The following CWF19L2 variants were observed in gnomAD, a reference collection of about 807,000 sequenced individuals.
The protein encoded by CWF19L2 is CWF19 like cell cycle control factor 2, also known as CWF19-like protein 2.
Under a neutral mutation model 111.7 loss-of-function variants are expected in CWF19L2, and 98 were observed. The ratio of observed to expected loss-of-function variants is 0.88; its 90% CI spans 0.75 to 1.04. CWF19L2 has a LOEUF of 1.04. Ranked by LOEUF, CWF19L2 falls within the 50% of genes least tolerant of loss-of-function variation. The pLI is 0.00. For synonymous variants in CWF19L2, 351 were observed against 342.9 expected (o/e 1.02, Z -0.26); for missense variants, 1,101 against 1,051.4 (o/e 1.05, Z -0.65).
intron 16 of CWF19L2, among the ~76,000 whole-genome samples, chr11:107,330,742 A>G (rs899890936): frequency 2.6e-5 from 4 of 151,568 alleles, no homozygotes; most frequent in Non-Finnish European, 4.4e-5. Flanking sequence ...TTCTCTATCA[A>G]TTAAGTAGAT....
intron 8 of CWF19L2, among the ~76,000 whole-genome samples, chr11:107,422,849 T>A (rs996526669): frequency 6.6e-6 from 1 of 151,906 alleles, no homozygotes; most frequent in Admixed American, 6.6e-5. Flanking sequence ...ACAGATAGCA[T>A]TGGAATAAAA....
chr11:107,452,974 C>G (rs1201739062), intron 3 of CWF19L2, among the ~76,000 whole-genome samples: 2 of 152,040 alleles, frequency 1.3e-5, no homozygotes, highest in Non-Finnish European at 2.9e-5. Flanking sequence ...GAGGCTCCAT[C>G]TCTAAAAACA....
intron 12 of CWF19L2, among the ~76,000 whole-genome samples, chr11:107,361,603 A>C (rs1008862496): frequency 6.6e-6 from 1 of 152,234 alleles, no homozygotes; most frequent in African/African-American, 2.4e-5. Context: ...CTTCTGGTCC[A>C]TGAGAATGGG....
At chr11:107,374,994 T>G (rs1327552062) in intron 12 of CWF19L2, among the ~76,000 whole-genome samples, 1 of 139,060 alleles carries the variant, frequency 7.2e-6, no homozygotes, top group Non-Finnish European at 1.6e-5. Context: ...AAACAGACTT[T>G]AAACCAACAA....
chr11:107,418,498 A>G (rs753012544), intron 8 of CWF19L2, among the ~76,000 whole-genome samples: 1 of 152,178 alleles, frequency 6.6e-6, no homozygotes, highest in Non-Finnish European at 1.5e-5. Context: ...TGGCAGTTAT[A>G]ATAACTGATC....
At chr11:107,445,958 A>G (rs992602308) in intron 3 of CWF19L2, among the ~76,000 whole-genome samples, 1 of 152,216 alleles carries the variant, frequency 6.6e-6, no homozygotes, top group African/African-American at 2.4e-5. Context: ...AAGTCAAGTT[A>G]AGAAAAAAAA....
chr11:107,416,448 A>C lies in CWF19L2; in HGVS notation c.1528-150T>G, dbSNP rs189179882. 15 of 363,626 alleles carry C rather than the reference A, an allele frequency of 4.1e-5. 1 individual carries two copies. Among genetic ancestry groups the C allele is most frequent in the East Asian group, 3.4e-4 (8 of 23,846 alleles). The allele number at this position is 363,626 out of a possible 1,614,324, so 22.5% of individuals were successfully genotyped here. On this transcript the variant is annotated intron_variant, in intron 9 of 17. Transcript: ENST00000282251. The stretch of plus-strand genomic sequence containing the variant: ...TTCAATTACCAACCCATAGCCTAGT[A>C]TACTACTTTTTAATGAACTTATCTC...
At chr11:107,439,266 GT>G in intron 5 of CWF19L2, 83 bp from the exon 6 acceptor site, 1 of 780,122 alleles carries the variant, frequency 1.3e-6, no homozygotes, top group Non-Finnish European at 2.1e-6. Context: ...CTGAGACCCA[GT>G]TAATAGTCAT....
chr11:107,404,483 T>C (rs1861050382), intron 10 of CWF19L2: 1 of 758,412 alleles, frequency 1.3e-6, no homozygotes, highest in African/African-American at 1.7e-5. Context: ...TTAGTTGTTG[T>C]AGGCGAGATG....
At chr11:107,404,546 G>C (rs1165381730) in intron 10 of CWF19L2, 1 of 678,036 alleles carries the variant, frequency 1.5e-6, no homozygotes, top group Non-Finnish European at 2.7e-6. Flanking sequence ...TTGTGTTGCA[G>C]GAGCTGGGGT....
intron 8 of CWF19L2, among the ~76,000 whole-genome samples, chr11:107,418,574 G>C (rs535432695): frequency 1.2e-4 from 18 of 151,892 alleles, no homozygotes; most frequent in African/African-American, 3.4e-4. Flanking sequence ...CCCCATACTC[G>C]TAACTTTAAA....
At chr11:107,378,727 C>T (rs1371897697) in intron 12 of CWF19L2, among the ~76,000 whole-genome samples, 2 of 151,762 alleles carry the variant, frequency 1.3e-5, no homozygotes, top group African/African-American at 4.8e-5. Flanking sequence ...TGTAACTAAC[C>T]TGCACATTGT....
At chr11:107,352,031 G>C (rs1860162813) in intron 13 of CWF19L2, among the ~76,000 whole-genome samples, 1 of 152,192 alleles carries the variant, frequency 6.6e-6, no homozygotes, top group Admixed American at 6.5e-5. Flanking sequence ...TCTCAGGTCT[G>C]ATGTATAAAG....
intron 10 of CWF19L2, among the ~76,000 whole-genome samples, chr11:107,394,911 C>T (rs115394833): frequency 1.2e-4 from 18 of 152,244 alleles, no homozygotes; most frequent in African/African-American, 4.3e-4. Context: ...CATTTATCAC[C>T]AGAACATCAA....
chr11:107,420,213 C>T (rs934062034), intron 8 of CWF19L2, among the ~76,000 whole-genome samples: 1 of 151,806 alleles, frequency 6.6e-6, no homozygotes. Context: ...GGTCCAAATA[C>T]CTAAATTAAA....
chr11:107,442,796 G>C, intron 4 of CWF19L2, 143 bp downstream of exon 4: 1 of 172,704 alleles, frequency 5.8e-6, no homozygotes, highest in African/African-American at 1.9e-4. Flanking sequence ...GGAAGGAAGG[G>C]AGGGAGGGAG....
At chr11:107,342,733 T>C (rs1860023314) in intron 14 of CWF19L2, among the ~76,000 whole-genome samples, 1 of 152,110 alleles carries the variant, frequency 6.6e-6, no homozygotes, top group Non-Finnish European at 1.5e-5. Flanking sequence ...CATTACCATA[T>C]ATGGCATAAG....
intron 10 of CWF19L2, among the ~76,000 whole-genome samples, chr11:107,414,978 G>A (rs757648745): frequency 6.6e-6 from 1 of 152,058 alleles, no homozygotes; most frequent in Non-Finnish European, 1.5e-5. Context: ...AATCCAGAAT[G>A]GTCCTGTCAA....
In CWF19L2 at chr11:107,367,818, A is replaced by G. The variant is rs1432528205; in HGVS notation, c.1873-14082T>C. 4.4e-5 allele frequency among the ~76,000 whole-genome samples: 6 copies of G among 136,414 alleles called. 1 individual carries two copies. The highest frequency in any genetic ancestry group is 9.4e-5 in the Non-Finnish European group (6 of 63,914). The allele number at this position is 136,414 out of a possible 152,430, so 89.5% of individuals were successfully genotyped here. On this transcript the variant is annotated intron_variant, in intron 12 of 17. Coordinates refer to ENST00000282251, the MANE Select transcript of CWF19L2 (RefSeq NM_152434.3). The stretch of plus-strand genomic sequence containing the variant: ...AATGTGCACATGTACCCTAAAACTT[A>G]AAGTATAAAACAAAAAAAAAAGAAA...
Sources: gnomAD v4.1 joint callset for allele counts (sites outside exome capture counted in the v4.1 genomes callset) on GRCh38, gnomAD v4.1.1 for gene constraint, MANE v1.5 for transcripts, NCBI Gene and HGNC (gene_info 2026-07-23, HGNC 2026-07-21) for gene names.